The following KIAA1328 variants were observed in gnomAD, a reference collection of about 807,000 sequenced individuals.
KIAA1328 encodes protein hinderin.
Under a neutral mutation model 68.1 loss-of-function variants are expected in KIAA1328, and 52 were observed. That is an observed-to-expected ratio of 0.76 (90% CI 0.61 to 0.96). The LOEUF is 0.96. Among genes scored for constraint, KIAA1328 ranks in the 40% least tolerant of loss-of-function variants. The pLI is 0.00. For synonymous variants in KIAA1328, 232 were observed against 239.4 expected (o/e 0.97, Z 0.28); for missense variants, 641 against 677.6 (o/e 0.95, Z 0.60).
chr18:37,131,560 C>T (rs1016544984), intron 7 of KIAA1328, among the ~76,000 whole-genome samples: 2 of 152,206 alleles, frequency 1.3e-5, no homozygotes, highest in Non-Finnish European at 2.9e-5. Context: ...AACAACCCAG[C>T]ATCACACCTA....
chr18:37,124,146 A>G (rs1010803969), intron 7 of KIAA1328, among the ~76,000 whole-genome samples: 3 of 152,294 alleles, frequency 2.0e-5, no homozygotes, highest in South Asian at 2.1e-4. Flanking sequence ...ACTAAATACT[A>G]AGGTTGCAAA....
intron 9 of KIAA1328, among the ~76,000 whole-genome samples, chr18:37,192,197 T>C (rs1024965190): frequency 1.3e-5 from 2 of 149,878 alleles, no homozygotes; most frequent in South Asian, 4.2e-4. Flanking sequence ...GTGTGTTGCG[T>C]GTGTGGAGGG....
At chr18:37,216,766 T>C (rs530440828) in intron 9 of KIAA1328, among the ~76,000 whole-genome samples, 4 of 152,110 alleles carry the variant, frequency 2.6e-5, no homozygotes, top group Middle Eastern at 3.2e-3. Flanking sequence ...TGGGAGTCTA[T>C]GTCTCCTTGT....
intron 4 of KIAA1328, among the ~76,000 whole-genome samples, chr18:36,847,379 A>C (rs1281226050): frequency 1.3e-5 from 2 of 151,506 alleles, no homozygotes; most frequent in East Asian, 3.9e-4. Flanking sequence ...AACTTATGTG[A>C]GTTCCATTAT....
At chr18:36,934,160 G>T (rs1406326274) in intron 5 of KIAA1328, among the ~76,000 whole-genome samples, 1 of 152,056 alleles carries the variant, frequency 6.6e-6, no homozygotes, top group African/African-American at 2.4e-5. Context: ...AGCCATTTAG[G>T]GCTGGGAACT....
rs552569989 is a variant in KIAA1328 at position 36,942,033 on chromosome 18, A to C, written c.449-17275A>C. Among the ~76,000 whole-genome samples the C allele has an allele frequency of 2.0e-5, 3 of 152,332 alleles. No individual in the cohort carries two copies. In the East Asian group the frequency reaches 5.8e-4, roughly 29 times the overall value. On this transcript the variant is annotated intron_variant, in intron 5 of 9. Transcript: ENST00000280020. The stretch of plus-strand genomic sequence containing the variant: ...TGGTACTTTGCCTTGAAAAAACTGA[A>C]GTATGCTTGTGGAAGTTAATATTGA...
intron 7 of KIAA1328, among the ~76,000 whole-genome samples, chr18:37,142,099 T>G (rs1186346509): frequency 3.3e-5 from 5 of 152,234 alleles, no homozygotes; most frequent in African/African-American, 1.2e-4. Flanking sequence ...AGAAGTTATA[T>G]AGTTTTAACT....
intron 5 of KIAA1328, among the ~76,000 whole-genome samples, chr18:36,950,104 A>G (rs527552143): frequency 3.9e-5 from 6 of 152,296 alleles, no homozygotes; most frequent in African/African-American, 1.4e-4. Context: ...AATGAGTCCT[A>G]AACTAGATAT....
chr18:36,956,686 T>C (rs2051433519), intron 5 of KIAA1328, among the ~76,000 whole-genome samples: 1 of 152,226 alleles, frequency 6.6e-6, no homozygotes, highest in Non-Finnish European at 1.5e-5. Context: ...GCTGACATTT[T>C]ACTCCTAAGC....
intron 7 of KIAA1328, among the ~76,000 whole-genome samples, chr18:37,144,957 G>A (rs72894344): frequency 1.3e-5 from 2 of 152,156 alleles, no homozygotes; most frequent in African/African-American, 2.4e-5. Context: ...TTAATAGGCC[G>A]GTTTTGGTGG....
chr18:36,912,750 G>C (rs541183661), intron 5 of KIAA1328, among the ~76,000 whole-genome samples: 1 of 152,006 alleles, frequency 6.6e-6, no homozygotes, highest in Non-Finnish European at 1.5e-5. Context: ...CAAAAGTTTC[G>C]AACCGTATGA....
chr18:37,008,940 TTA>T (rs1226434911), intron 6 of KIAA1328, among the ~76,000 whole-genome samples: 1 of 152,130 alleles, frequency 6.6e-6, no homozygotes, highest in Admixed American at 6.5e-5. Context: ...GGTCTAACTT[TTA>T]TGTCATTGGA....
intron 6 of KIAA1328, among the ~76,000 whole-genome samples, chr18:37,062,445 G>GT (rs529526063): frequency 1.4e-5 from 2 of 144,336 alleles, no homozygotes; most frequent in Middle Eastern, 3.4e-3. Flanking sequence ...TTTTTGTTTT[G>GT]TTTTTTGTTT....
At chr18:36,900,551 A>C (rs1323348633) in intron 5 of KIAA1328, among the ~76,000 whole-genome samples, 2 of 151,894 alleles carry the variant, frequency 1.3e-5, no homozygotes, top group Non-Finnish European at 2.9e-5. Flanking sequence ...CTTTAGTATG[A>C]ATTTATTAGT....
intron 5 of KIAA1328, among the ~76,000 whole-genome samples, chr18:36,909,240 G>A (rs1004641528): frequency 1.2e-4 from 18 of 151,922 alleles, no homozygotes; most frequent in African/African-American, 3.4e-4. Flanking sequence ...CCATTAACTC[G>A]TCATTTACAT....
chr18:37,117,731 A>T (rs1411813800), intron 7 of KIAA1328, among the ~76,000 whole-genome samples: 1 of 152,200 alleles, frequency 6.6e-6, no homozygotes, highest in Non-Finnish European at 1.5e-5. Context: ...CTTTCCCCAG[A>T]AAAGGACGCA....
At chr18:36,880,287 C>G (rs1231585160) in intron 4 of KIAA1328, among the ~76,000 whole-genome samples, 8 of 152,168 alleles carry the variant, frequency 5.3e-5, no homozygotes, top group Admixed American at 4.6e-4. Context: ...GGAGGGAGTT[C>G]CCCAATGCCT....
At chr18:37,081,256 A>G (rs1270622941) in intron 7 of KIAA1328, among the ~76,000 whole-genome samples, 2 of 152,172 alleles carry the variant, frequency 1.3e-5, no homozygotes, top group Admixed American at 6.5e-5. Flanking sequence ...TGCCGGGATT[A>G]CAGGCATGAG....
chr18:37,140,129 T>C (rs1369780042), intron 7 of KIAA1328, among the ~76,000 whole-genome samples: 1 of 152,166 alleles, frequency 6.6e-6, no homozygotes, highest in Non-Finnish European at 1.5e-5. Context: ...AAATTCAAAT[T>C]GCACCAAATG....
Sources: gnomAD v4.1 joint callset for allele counts (sites outside exome capture counted in the v4.1 genomes callset) on GRCh38, gnomAD v4.1.1 for gene constraint, MANE v1.5 for transcripts, NCBI Gene and HGNC (gene_info 2026-07-23, HGNC 2026-07-21) for gene names.